KDR: variants seen among roughly 807,000 people sequenced by gnomAD.
The protein encoded by KDR is kinase insert domain receptor.
In KDR, 43 loss-of-function variants were observed where a neutral mutation model predicts 160.9. The ratio of observed to expected loss-of-function variants is 0.27; its 90% CI spans 0.21 to 0.34. KDR has a LOEUF of 0.34. Ranked by LOEUF, KDR falls within the 10% of genes least tolerant of loss-of-function variation. The probability of loss-of-function intolerance (pLI) is 1.00; values close to 1 mark genes in which losing one functional copy is unlikely to be tolerated. For synonymous variants in KDR, 617 were observed against 600.1 expected (o/e 1.03, Z -0.41); for missense variants, 1,469 against 1,666.4 (o/e 0.88, Z 2.06).
intron 22 of KDR, among the ~76,000 whole-genome samples, chr4:55,091,102 C>T (rs1270365317): frequency 6.6e-6 from 1 of 152,126 alleles, no homozygotes; most frequent in Non-Finnish European, 1.5e-5. Flanking sequence ...ATCCACACAC[C>T]TTGGCCTCCC....
At chr4:55,108,897 C>T (rs949508087) in intron 9 of KDR, among the ~76,000 whole-genome samples, 2 of 152,054 alleles carry the variant, frequency 1.3e-5, no homozygotes, top group African/African-American at 2.4e-5. Context: ...TTTCATATAG[C>T]AGAGAATTTG....
intron 3 of KDR, among the ~76,000 whole-genome samples, chr4:55,116,557 CA>C (rs1321126092): frequency 6.6e-6 from 1 of 151,946 alleles, no homozygotes; most frequent in Non-Finnish European, 1.5e-5. Flanking sequence ...AGAGAGATAA[CA>C]TTTCACATTG....
chr4:55,097,011 A>G (rs548609661), intron 18 of KDR, among the ~76,000 whole-genome samples: 48 of 152,306 alleles, frequency 3.2e-4, no homozygotes, highest in African/African-American at 9.9e-4. Context: ...CACAAAACCT[A>G]TTGGCAAAGG....
intron 3 of KDR, among the ~76,000 whole-genome samples, chr4:55,116,167 A>C (rs2110032579): frequency 6.6e-6 from 1 of 152,330 alleles, no homozygotes; most frequent in Middle Eastern, 3.4e-3. Flanking sequence ...CTGTAATCCC[A>C]GCACTTTGGG....
In KDR at chr4:55,079,929, G is replaced by T. The variant is rs375679358; in HGVS notation, c.*12C>A. 8 of 1,609,544 alleles carry T rather than the reference G, an allele frequency of 5.0e-6. No homozygotes were observed. The highest frequency in any genetic ancestry group is 6.0e-6 in the Non-Finnish European group (7 of 1,175,990). On this transcript the variant is annotated 3_prime_UTR_variant, in exon 30 of 30. Transcript: ENST00000263923. Reference sequence around the variant, plus strand: ...TGTGATGTCCAGGAGTTGGGGGTGTGGATGCTTCCTTTTAAACAGGAGGAG... The same window carrying T: ...TGTGATGTCCAGGAGTTGGGGGTGTTGATGCTTCCTTTTAAACAGGAGGAG...
intron 3 of KDR, among the ~76,000 whole-genome samples, 174 bp downstream of exon 3, chr4:55,118,430 G>A (rs898955239): frequency 2.0e-5 from 3 of 152,202 alleles, no homozygotes; most frequent in African/African-American, 7.2e-5. Flanking sequence ...CCAAGCTCCA[G>A]AATCAATGAG....
chr4:55,114,752 G>T, intron 5 of KDR, 122 bp downstream of exon 5: 4 of 848,088 alleles, frequency 4.7e-6, no homozygotes, highest in Non-Finnish European at 3.9e-6. Flanking sequence ...CAGATGAATT[G>T]CCCAACACCA....
chr4:55,113,195 C>G (rs560644436), intron 7 of KDR, 109 bp downstream of exon 7: 1 of 1,253,628 alleles, frequency 8.0e-7, no homozygotes, highest in South Asian at 1.2e-5. Context: ...ACAAGAAAAA[C>G]TAGAAACTAT....
rs567769630 is a variant in KDR at position 55,120,263 on chromosome 4, C to T, written c.161+834G>A. On this transcript the variant is annotated intron_variant, in intron 2 of 29. Transcript: ENST00000263923. ...ACCTACCCAAGGTCCTTTGTGGACC[C>T]CCAGCACTCTTCCAGGAGGGTAACA... 5.9e-5 allele frequency among the ~76,000 whole-genome samples: 9 copies of T among 152,226 alleles called. No homozygotes were observed. In the South Asian group the frequency reaches 1.2e-3, roughly 21 times the overall value.
chr4:55,101,804 C>T, intron 15 of KDR, 93 bp downstream of exon 15: 3 of 1,080,748 alleles, frequency 2.8e-6, no homozygotes, highest in Non-Finnish European at 4.2e-6. Context: ...CAGCTCCATC[C>T]ATGCAGCTGC....
At chr4:55,122,322 C>G (rs912729428) in intron 1 of KDR, among the ~76,000 whole-genome samples, 1 of 152,104 alleles carries the variant, frequency 6.6e-6, no homozygotes, top group African/African-American at 2.4e-5. Flanking sequence ...TAATAAATAT[C>G]AAGACCTAGA....
intron 13 of KDR, among the ~76,000 whole-genome samples, chr4:55,103,806 C>G (rs1268812741): frequency 6.6e-6 from 1 of 152,000 alleles, no homozygotes; most frequent in Admixed American, 6.6e-5. Flanking sequence ...GCACATATAT[C>G]CTAGGAATTG....
chr4:55,101,917 T>G lies in KDR; in HGVS notation c.2246A>C (p.Glu749Ala), dbSNP rs1720320283. Residue 749 changes from glutamate (E) to alanine (A), a missense_variant, in exon 15 of 30, where the codon GAG becomes GCG. Around this residue, in one of 7 missense-constraint regions of KDR, gnomAD observed 118 missense variants for 110.8 expected, o/e 1.06. Transcript: ENST00000263923. ...CTGACCTTCTATTATGAAAAATGCCTCCACTTTTGCACAGCCAAGAACACT... is the reference window on the plus strand; with the variant it reads ...CTGACCTTCTATTATGAAAAATGCCGCCACTTTTGCACAGCCAAGAACACT... ...ACSVLGCAKVEAFFIIEGAQE... is the reference protein window; with the variant it reads ...ACSVLGCAKVAAFFIIEGAQE... 1.2e-6 allele frequency: 2 copies of G among 1,613,478 alleles called. No individual in the cohort carries two copies. The highest frequency in any genetic ancestry group is 2.7e-5 in the African/African-American group (2 of 74,958).
At chr4:55,082,729 G>A in intron 27 of KDR, 94 bp from the exon 28 acceptor site, 3 of 882,522 alleles carry the variant, frequency 3.4e-6, no homozygotes, top group South Asian at 1.4e-5. Flanking sequence ...AAACTTAATA[G>A]CAACCTTCAA....
chr4:55,102,119 T>G (rs1720327212), intron 14 of KDR, 91 bp from the exon 15 acceptor site: 2 of 1,545,062 alleles, frequency 1.3e-6, no homozygotes, highest in South Asian at 1.1e-5. Flanking sequence ...ATGCTGCCCT[T>G]CATCTTGTTC....
intron 21 of KDR, among the ~76,000 whole-genome samples, chr4:55,093,380 T>A (rs147124120): frequency 2.5e-4 from 38 of 152,352 alleles, no homozygotes; most frequent in African/African-American, 8.4e-4. Flanking sequence ...TGTTTCAAAA[T>A]CATCTCTTTG....
intron 3 of KDR, among the ~76,000 whole-genome samples, chr4:55,118,283 G>A (rs1028829805): frequency 2.0e-5 from 3 of 152,046 alleles, no homozygotes; most frequent in African/African-American, 7.2e-5. Context: ...AATCTTCCTC[G>A]ATTTCAAGAA....
chr4:55,101,909 A>C lies in KDR; in HGVS notation c.2254T>G (p.Phe752Val). Residue 752 changes from phenylalanine to valine, a missense_variant, in exon 15 of 30, where the codon TTC becomes GTC. Physicochemically the swap from Phe to Val is conservative, Grantham distance 50. Transcript: ENST00000263923. ...TTATCCCACTGACCTTCTATTATGA[A>C]AAATGCCTCCACTTTTGCACAGCCA... ...VLGCAKVEAFFIIEGAQEKTN... is the reference protein window; with the variant it reads ...VLGCAKVEAFVIIEGAQEKTN... 1 of 1,613,428 alleles carries C rather than the reference A, an allele frequency of 6.2e-7. No homozygotes were observed. The highest frequency in any genetic ancestry group is 8.5e-7 in the Non-Finnish European group (1 of 1,179,658).
chr4:55,102,479 G>A lies in KDR; in HGVS notation c.2017C>T (p.Leu673=), dbSNP rs1720340066. The change falls in exon 14 of 30, where the codon CTG becomes TTG. Residue 673 remains leucine (L), a synonymous_variant. Coordinates refer to ENST00000263923, the MANE Select transcript of KDR (RefSeq NM_002253.4). ...CCAATACTTGTCGTCTGATTCTCCA[G>A]GTTTCCTGTGATCGTGGGTGCCACA... ...ERVAPTITGN[L]ENQTTSIGES... is the part of the protein sequence containing the mutation. 6.2e-7 allele frequency: 1 copy of A among 1,613,564 alleles called. No homozygotes were observed. The highest frequency in any genetic ancestry group is 1.3e-5 in the African/African-American group (1 of 74,860).
Sources: allele counts gnomAD v4.1 joint callset (sites outside exome capture counted in the v4.1 genomes callset), GRCh38; gene constraint gnomAD v4.1.1; regional missense constraint gnomAD v4.1.1; transcripts MANE v1.5; gene names NCBI Gene and HGNC (gene_info 2026-07-23, HGNC 2026-07-21).